Variants in PCDHGA2 observed in about 807,000 individuals in gnomAD.
The protein encoded by PCDHGA2 is protocadherin gamma-A2.
A neutral mutation model predicts 59.2 loss-of-function variants in PCDHGA2; 40 were observed. The ratio of observed to expected loss-of-function variants is 0.68; its 90% CI spans 0.52 to 0.88. The LOEUF (loss-of-function observed/expected upper bound fraction) is 0.88, where lower values mean the gene tolerates loss of function less well. Ranked by LOEUF, PCDHGA2 falls within the 40% of genes least tolerant of loss-of-function variation. The pLI is 0.00. For synonymous variants in PCDHGA2, 560 were observed against 526.0 expected, an observed-to-expected ratio of 1.06 and a Z score of -0.89; for missense variants, 1,226 against 1,204.0, an observed-to-expected ratio of 1.02 and a Z score of -0.27.
At position 141,415,520 on chromosome 5, in the gene PCDHGA2, C is replaced by A. The variant is rs200535016; in HGVS notation, c.2424+74125C>A. The A allele has an allele frequency of 1.8e-4, 288 of 1,614,072 alleles. 3 individuals carry two copies. The highest frequency in any genetic ancestry group is 6.7e-5 in the Non-Finnish European group (79 of 1,180,044). On this transcript the variant is annotated intron_variant, in intron 1 of 3. Coordinates refer to ENST00000394576, the MANE Select transcript of PCDHGA2 (RefSeq NM_018915.4). Reference sequence around the variant, plus strand: ...TTCCCCCAGCCCAATTATGCGGACACGCTCATCAGCCAGGAGAGCTGTGAG... The same window carrying A: ...TTCCCCCAGCCCAATTATGCGGACAAGCTCATCAGCCAGGAGAGCTGTGAG...
chr5:141,420,519 A>G (rs1056198647), intron 1 of PCDHGA2: 1 of 387,066 alleles, frequency 2.6e-6, no homozygotes, highest in African/African-American at 2.1e-5. Flanking sequence ...GAAGTAAAAT[A>G]CCTTTCGGTT....
chr5:141,496,164 C>A (rs745320704), intron 2 of PCDHGA2, among the ~76,000 whole-genome samples: 1 of 152,084 alleles, frequency 6.6e-6, no homozygotes, highest in East Asian at 1.9e-4. Flanking sequence ...CCACCAGACA[C>A]CCTCCCATCC....
chr5:141,497,111 G>A (rs899232924), intron 2 of PCDHGA2, among the ~76,000 whole-genome samples: 16 of 152,010 alleles, frequency 1.1e-4, no homozygotes, highest in Non-Finnish European at 1.2e-4. Context: ...GCTTGAACCC[G>A]GAAGGCAGAG....
chr5:141,427,766 G>A lies in PCDHGA2; in HGVS notation c.2425-67041G>A, dbSNP rs549550151. The A allele has an allele frequency of 1.1e-4, 152 of 1,386,456 alleles. No homozygotes were observed. In the African/African-American group the frequency reaches 1.8e-3, roughly 17 times the overall value. The allele number at this position is 1,386,456 out of a possible 1,614,324, so 85.9% of individuals were successfully genotyped here. ...CCTACTCCATCGTTACCACTGACTT[G>A]GAGCTGCGGGCACTGTCGTCCTACG... On this transcript the variant is annotated intron_variant, in intron 1 of 3. Transcript: ENST00000394576.
At chr5:141,456,815 T>A (rs867637586) in intron 1 of PCDHGA2, among the ~76,000 whole-genome samples, 5 of 151,934 alleles carry the variant, frequency 3.3e-5, no homozygotes, top group Non-Finnish European at 7.4e-5. Flanking sequence ...ATACAAAAAA[T>A]TAGCCATCGT....
chr5:141,388,412 T>A, intron 1 of PCDHGA2: 1 of 1,613,870 alleles, frequency 6.2e-7, no homozygotes, highest in Non-Finnish European at 8.5e-7. Context: ...GTCCCAGTGA[T>A]CATTTCTCAC....
chr5:141,362,404 G>A, intron 1 of PCDHGA2: 1 of 1,614,000 alleles, frequency 6.2e-7, no homozygotes. Context: ...CCTGTGTGTT[G>A]CCTCACAATC....
chr5:141,362,740 A>G (rs1762658302), intron 1 of PCDHGA2: 1 of 732,538 alleles, frequency 1.4e-6, no homozygotes, highest in Non-Finnish European at 2.2e-6. Flanking sequence ...TTATTTACCC[A>G]TGATTGCAAA....
At chr5:141,430,945 C>G (rs1466092130) in intron 1 of PCDHGA2, 1 of 1,609,234 alleles carries the variant, frequency 6.2e-7, no homozygotes, top group Non-Finnish European at 8.5e-7. Context: ...TCGCGGAGCG[C>G]GGAGTCCGCA....
At chr5:141,384,549 G>C in intron 1 of PCDHGA2, 1 of 1,614,244 alleles carries the variant, frequency 6.2e-7, no homozygotes, top group Non-Finnish European at 8.5e-7. Context: ...CACTGAGCCT[G>C]TTCGTGCTGG....
At position 141,485,677 on chromosome 5, in the gene PCDHGA2, C is replaced by T. The variant is rs757797282; in HGVS notation, c.2425-9130C>T. ...CAGATGTGGGGAGCAATTCGATTAG[C>T]AGCTATAGGCTGAGCTCCAATGAAC... On this transcript the variant is annotated intron_variant, in intron 1 of 3. Transcript: ENST00000394576. This position sits in a 1 kb window ranked among gnomAD's most constrained non-coding sequence, Gnocchi z 5.7. 2.4e-5 allele frequency: 38 copies of T among 1,612,714 alleles called. No individual in the cohort carries two copies. In the East Asian group the frequency reaches 7.8e-4, roughly 33 times the overall value.
chr5:141,366,885 T>TA (rs1382759169), intron 1 of PCDHGA2: 4 of 1,309,886 alleles, frequency 3.1e-6, no homozygotes, highest in Admixed American at 2.5e-5. Flanking sequence ...TTAATTTTTT[T>TA]TATATAATTC....
At chr5:141,367,065 T>C (rs1054536052) in intron 1 of PCDHGA2, 27 of 305,946 alleles carry the variant, frequency 8.8e-5, no homozygotes, top group African/African-American at 6.0e-4. Context: ...TTTTATTTAT[T>C]CAAATTGTTA....
At chr5:141,349,026 G>A (rs570306872) in intron 1 of PCDHGA2, among the ~76,000 whole-genome samples, 7 of 152,088 alleles carry the variant, frequency 4.6e-5, no homozygotes, top group Non-Finnish European at 8.8e-5. Flanking sequence ...AGTCAAACTC[G>A]TTTTGCTCAT....
rs568927137 is a variant in PCDHGA2, at chr5:141,410,186, CT to C, written c.2424+68792del. On this transcript the variant is annotated intron_variant, in intron 1 of 3. Coordinates refer to ENST00000394576, the MANE Select transcript of PCDHGA2 (RefSeq NM_018915.4). ...ACTCTCTGCCACCGCCACGCTTCAT[CT>C]GGTCTTCGCAGACAACTTGCAAGAG... 1.6e-5 allele frequency: 26 copies of C among 1,613,940 alleles called. 1 individual carries two copies. In the South Asian group the frequency reaches 2.6e-4, roughly 16 times the overall value.
chr5:141,478,799 CTT>C, intron 1 of PCDHGA2: 1 of 1,463,738 alleles, frequency 6.8e-7, no homozygotes, highest in Non-Finnish European at 9.0e-7. Flanking sequence ...CCTCAGCACT[CTT>C]TTGCTATCAC....
rs765887978 is a variant in PCDHGA2 at position 141,486,476 on chromosome 5, C to T, written c.2425-8331C>T. The T allele has an allele frequency of 8.7e-6, 14 of 1,613,934 alleles. No homozygotes were observed. The highest frequency in any genetic ancestry group is 1.7e-5 in the Admixed American group (1 of 60,016). ...TGCTTCTGATGCTGGGAACCCTCCT[C>T]TCAGTACCCACAGAACTATTTTCCT... On this transcript the variant is annotated intron_variant, in intron 1 of 3. Transcript: ENST00000394576. This position sits in a 1 kb window ranked among gnomAD's most constrained non-coding sequence, Gnocchi z 5.0.
intron 1 of PCDHGA2, chr5:141,417,858 C>T (rs561149517): frequency 6.5e-7 from 1 of 1,547,240 alleles, no homozygotes. Flanking sequence ...CCCGAGCGAA[C>T]GATGGGAGGG....
chr5:141,460,037 C>A (rs1203902962), intron 1 of PCDHGA2, among the ~76,000 whole-genome samples: 1 of 152,120 alleles, frequency 6.6e-6, no homozygotes, highest in African/African-American at 2.4e-5. Context: ...GAGACTGCAC[C>A]ACTGCACTCC....
Sources: allele counts gnomAD v4.1 joint callset (sites outside exome capture counted in the v4.1 genomes callset), GRCh38; gene constraint gnomAD v4.1.1; non-coding constraint Gnocchi (gnomAD v3.1); transcripts MANE v1.5; gene names NCBI Gene and HGNC (gene_info 2026-07-23, HGNC 2026-07-21).